THEMIS: variants seen among roughly 807,000 people sequenced by gnomAD.
THEMIS encodes the protein thymocyte selection associated, also known as protein THEMIS.
In THEMIS, 37 loss-of-function variants were observed where a neutral mutation model predicts 52.6. The ratio of observed to expected loss-of-function variants is 0.70; its 90% CI spans 0.54 to 0.93. The LOEUF is 0.93. THEMIS is among the 40% of genes least tolerant of loss of function. THEMIS has a pLI of 0.00. For synonymous variants in THEMIS, 292 were observed against 272.7 expected (o/e 1.07, Z -0.70); for missense variants, 808 against 763.1 (o/e 1.06, Z -0.69).
intron 1 of THEMIS, chr6:127,909,893 T>C (rs1156716689): frequency 6.6e-6 from 1 of 152,158 alleles, no homozygotes; most frequent in East Asian, 1.9e-4. Flanking sequence ...TTCTCAAAAG[T>C]ACTCCTATTT....
intron 1 of THEMIS, among the ~76,000 whole-genome samples, chr6:127,867,592 T>C (rs1391807386): frequency 3.9e-5 from 6 of 152,050 alleles, no homozygotes; most frequent in Non-Finnish European, 7.4e-5. Flanking sequence ...TCACAACCTA[T>C]TGGCCCAAAC....
At chr6:127,789,531 C>T (rs530741178) in intron 4 of THEMIS, among the ~76,000 whole-genome samples, 1 of 152,202 alleles carries the variant, frequency 6.6e-6, no homozygotes, top group South Asian at 2.1e-4. Flanking sequence ...TTTCAGAGAC[C>T]AGCATCATCC....
chr6:127,809,447 C>A (rs1258349253), intron 4 of THEMIS, among the ~76,000 whole-genome samples: 3 of 152,128 alleles, frequency 2.0e-5, no homozygotes, highest in African/African-American at 7.2e-5. Flanking sequence ...TTCCTGCCTT[C>A]ATGGTAAAAA....
intron 4 of THEMIS, among the ~76,000 whole-genome samples, chr6:127,785,332 C>A (rs2114499633): frequency 6.6e-6 from 1 of 151,986 alleles, no homozygotes; most frequent in South Asian, 2.1e-4. Flanking sequence ...TATACAGGAA[C>A]AATTGCATAA....
chr6:127,836,617 T>C lies in THEMIS; in HGVS notation c.251-6683A>G, dbSNP rs74535793. On this transcript the variant is annotated intron_variant, in intron 2 of 5. Transcript: ENST00000368248. ...TTTAAATAGATTTTGATTTGCACAATAAAGAAAACTGAATTTTTGTTTTTC... is the reference window on the plus strand; with the variant it reads ...TTTAAATAGATTTTGATTTGCACAACAAAGAAAACTGAATTTTTGTTTTTC... Among the ~76,000 whole-genome samples the C allele has an allele frequency of 9.0e-3, 1,374 of 152,248 alleles. 28 individuals carry two copies. Among genetic ancestry groups the C allele is most frequent in the African/African-American group, 0.032 (1,324 of 41,562 alleles).
chr6:127,916,137 T>C (rs189142384), intron 1 of THEMIS, among the ~76,000 whole-genome samples: 84 of 152,058 alleles, frequency 5.5e-4, no homozygotes, highest in Non-Finnish European at 1.0e-3. Flanking sequence ...TGATTTTATA[T>C]TACGAGACCT....
intron 1 of THEMIS, among the ~76,000 whole-genome samples, chr6:127,873,380 C>T (rs1780213940): frequency 6.6e-6 from 1 of 152,038 alleles, no homozygotes; most frequent in Non-Finnish European, 1.5e-5. Flanking sequence ...TTCAACTACC[C>T]AAGTCAAGAC....
At chr6:127,733,399 G>A (rs939042800) in intron 4 of THEMIS, among the ~76,000 whole-genome samples, 4 of 152,086 alleles carry the variant, frequency 2.6e-5, no homozygotes, top group African/African-American at 9.7e-5. Flanking sequence ...ATTTGGTTTT[G>A]TTTAAACTAG....
chr6:127,796,208 T>C (rs1022146057), intron 4 of THEMIS, among the ~76,000 whole-genome samples: 6 of 152,142 alleles, frequency 3.9e-5, no homozygotes, highest in Non-Finnish European at 8.8e-5. Flanking sequence ...AAAAAACTAA[T>C]GTGGGTTGAT....
the THEMIS span, among the ~76,000 whole-genome samples, chr6:127,697,077 C>T: frequency 4.6e-5 from 7 of 152,010 alleles, no homozygotes; most frequent in Non-Finnish European, 7.4e-5. Flanking sequence ...ACCCCTCTCC[C>T]GACTCATATA....
chr6:127,905,735 C>A (rs753790669), upstream of THEMIS, among the ~76,000 whole-genome samples: 1 of 151,810 alleles, frequency 6.6e-6, no homozygotes, highest in Non-Finnish European at 1.5e-5. Flanking sequence ...AAGCATTAGC[C>A]TTCTAGAGAA....
chr6:127,807,317 G>A (rs1037923385), intron 4 of THEMIS: 6 of 250,880 alleles, frequency 2.4e-5, no homozygotes, highest in Non-Finnish European at 4.0e-5. Flanking sequence ...CCAAGATCAC[G>A]CCATTGCACT....
intron 4 of THEMIS, among the ~76,000 whole-genome samples, chr6:127,812,164 G>A (rs915659073): frequency 3.3e-5 from 5 of 152,150 alleles, no homozygotes; most frequent in East Asian, 1.9e-4. Context: ...AAGGGCAAGC[G>A]CTTTGCAGGC....
chr6:127,801,630 C>A (rs556045278), intron 4 of THEMIS, among the ~76,000 whole-genome samples: 1 of 152,228 alleles, frequency 6.6e-6, no homozygotes, highest in Admixed American at 6.5e-5. Flanking sequence ...GTGACAACAT[C>A]CCCTCCTCAA....
chr6:127,892,203 A>G (rs924559833), intron 1 of THEMIS, among the ~76,000 whole-genome samples: 16 of 152,270 alleles, frequency 1.1e-4, no homozygotes, highest in Non-Finnish European at 2.2e-4. Flanking sequence ...CCTTGCCTTC[A>G]GCACCACTGG....
intron 4 of THEMIS, among the ~76,000 whole-genome samples, chr6:127,740,371 AC>A (rs1775157175): frequency 6.6e-6 from 1 of 152,098 alleles, no homozygotes; most frequent in Non-Finnish European, 1.5e-5. Flanking sequence ...CCCGTTTGTG[AC>A]CCCTGGTAGA....
intron 2 of THEMIS, among the ~76,000 whole-genome samples, chr6:127,834,272 A>G (rs1778796618): frequency 6.6e-6 from 1 of 152,078 alleles, no homozygotes. Flanking sequence ...ATGTCTTTAC[A>G]TTAATAATTG....
intron 4 of THEMIS, among the ~76,000 whole-genome samples, chr6:127,796,256 C>T (rs1173635120): frequency 6.6e-6 from 1 of 152,012 alleles, no homozygotes; most frequent in Non-Finnish European, 1.5e-5. Flanking sequence ...AGATGAAAAA[C>T]CTTGAAGTGG....
chr6:127,866,041 A>G (rs1420350730), intron 1 of THEMIS, among the ~76,000 whole-genome samples: 1 of 152,098 alleles, frequency 6.6e-6, no homozygotes, highest in African/African-American at 2.4e-5. Flanking sequence ...TAATATGAGG[A>G]AAATCTCCAA....
Sources: allele counts gnomAD v4.1 joint callset (sites outside exome capture counted in the v4.1 genomes callset), GRCh38; gene constraint gnomAD v4.1.1; transcripts MANE v1.5; gene names NCBI Gene and HGNC (gene_info 2026-07-23, HGNC 2026-07-21).